Variants in ADARB2 observed in about 807,000 individuals in gnomAD.
ADARB2 encodes the protein adenosine deaminase RNA specific B2 (inactive).
A neutral mutation model predicts 62.2 loss-of-function variants in ADARB2; 25 were observed. The observed-to-expected ratio is 0.40, with a 90% CI of 0.29 to 0.56. ADARB2 has a LOEUF of 0.56. Ranked by LOEUF, ADARB2 falls within the 20% of genes least tolerant of loss-of-function variation. The pLI is 0.43. For synonymous variants in ADARB2, 572 were observed against 500.8 expected, an observed-to-expected ratio of 1.14 and a Z score of -1.90; for missense variants, 1,071 against 1,077.4, an observed-to-expected ratio of 0.99 and a Z score of 0.08.
intron 1 of ADARB2, among the ~76,000 whole-genome samples, chr10:1,435,088 G>T (rs1445072492): frequency 1.3e-5 from 2 of 152,262 alleles, no homozygotes; most frequent in African/African-American, 4.8e-5. Context: ...TCCCCTGGGA[G>T]GCCGTGGAGC....
At chr10:1,213,153 A>G (rs1226920300) in intron 7 of ADARB2, among the ~76,000 whole-genome samples, 1 of 152,104 alleles carries the variant, frequency 6.6e-6, no homozygotes, top group Non-Finnish European at 1.5e-5. Context: ...AGACAGAGAC[A>G]CAGAAAGACA....
chr10:1,326,818 C>T (rs1264089365), intron 3 of ADARB2, among the ~76,000 whole-genome samples: 15 of 111,762 alleles, frequency 1.3e-4, no homozygotes, highest in East Asian at 1.1e-3. Context: ...CAGCGCCTCC[C>T]CACGGCCCAG....
intron 1 of ADARB2, among the ~76,000 whole-genome samples, chr10:1,690,902 C>T (rs947054037): frequency 2.6e-5 from 4 of 152,186 alleles, no homozygotes; most frequent in African/African-American, 7.2e-5. Context: ...TCAAAACGCG[C>T]ATCTATCCCT....
chr10:1,363,191 C>T lies in ADARB2; in HGVS notation c.914G>A (p.Ser305Asn). The T allele has an allele frequency of 3.3e-6, 5 of 1,511,886 alleles. No homozygotes were observed. Among genetic ancestry groups the T allele is most frequent in the Non-Finnish European group, 3.5e-6 (4 of 1,136,458 alleles). The allele number at this position is 1,511,886 out of a possible 1,614,324, so 93.7% of individuals were successfully genotyped here. The change falls in exon 3 of 10, where the codon AGC (serine) becomes AAC (asparagine). Residue 305 changes from serine (S) to asparagine (N), a missense_variant. Ser to Asn is a conservative substitution (Grantham distance 46). Coordinates refer to ENST00000381312, the MANE Select transcript of ADARB2 (RefSeq NM_018702.4). ...GTCCACGCTCACGGCCATCACGAAGCTCCGCGCGCGCCGCTCGGCCGGTTC... is the reference window on the plus strand; with the variant it reads ...GTCCACGCTCACGGCCATCACGAAGTTCCGCGCGCGCCGCTCGGCCGGTTC... ...LAEPAERRARSFVMAVSVDGR... is the reference protein window; with the variant it reads ...LAEPAERRARNFVMAVSVDGR...
chr10:1,253,892 C>T (rs764845275), intron 4 of ADARB2, among the ~76,000 whole-genome samples: 5 of 151,486 alleles, frequency 3.3e-5, no homozygotes, highest in African/African-American at 7.3e-5. Context: ...GGTTAGGATG[C>T]GGTGGGCTCT....
At position 1,249,373 on chromosome 10, in the gene ADARB2, C is replaced by T. The variant is rs368275192; in HGVS notation, c.1193-7074G>A. ...GGGAGGATCACTTGAGCCCTGGAGGCGGAGGTTGGAGTGAGCTGAGATTGC... is the reference window on the plus strand; with the variant it reads ...GGGAGGATCACTTGAGCCCTGGAGGTGGAGGTTGGAGTGAGCTGAGATTGC... On this transcript the variant is annotated intron_variant, in intron 4 of 9. Coordinates refer to ENST00000381312, the MANE Select transcript of ADARB2 (RefSeq NM_018702.4). Among the ~76,000 whole-genome samples the T allele has an allele frequency of 3.8e-3, 548 of 146,014 alleles. 1 individual carries two copies. The highest frequency in any genetic ancestry group is 0.012 in the African/African-American group (465 of 39,194).
In ADARB2 at chr10:1,180,534, A is replaced by T. The variant is rs1469236002; in HGVS notation, c.*2659T>A. The T allele has an allele frequency of 6.6e-6, 1 of 152,472 alleles. No homozygotes were observed. Among genetic ancestry groups the T allele is most frequent in the East Asian group, 1.9e-4 (1 of 5,180 alleles). 9.4% of individuals were successfully genotyped at this position (152,472 alleles called of 1,614,324 possible). A position where few individuals can be genotyped will look rare whatever the true frequency, so the allele number is the denominator to read the frequency against. On this transcript the variant is annotated 3_prime_UTR_variant, in exon 10 of 10. Transcript: ENST00000381312. ...CTTCCTGGCTGGGTCAGGCCCTGCC[A>T]GTTGGGAGCAGCCTGCGTGTGGCGT...
intron 4 of ADARB2, among the ~76,000 whole-genome samples, chr10:1,258,083 T>G (rs530993199): frequency 6.6e-6 from 1 of 152,306 alleles, no homozygotes; most frequent in South Asian, 2.1e-4. Context: ...TCCTGAAGCT[T>G]CTTTCTTCCT....
intron 1 of ADARB2, among the ~76,000 whole-genome samples, chr10:1,470,263 C>T (rs6560736): frequency 0.44 from 66,895 of 152,068 alleles, 14,925 homozygotes; most frequent in Admixed American, 0.55. Flanking sequence ...CAAGTGCCTT[C>T]GAGGTCATGA....
At chr10:1,333,053 T>C (rs920445985) in intron 3 of ADARB2, among the ~76,000 whole-genome samples, 3 of 152,230 alleles carry the variant, frequency 2.0e-5, no homozygotes, top group Non-Finnish European at 4.4e-5. Context: ...TTGACTCCAA[T>C]TGCAAGTGGC....
intron 1 of ADARB2, among the ~76,000 whole-genome samples, chr10:1,558,338 A>T: frequency 9.8e-6 from 1 of 102,286 alleles, no homozygotes; most frequent in Non-Finnish European, 1.9e-5. Flanking sequence ...TCCGCATCCC[A>T]CCTCTGTCCC....
intron 3 of ADARB2, among the ~76,000 whole-genome samples, chr10:1,335,207 G>A (rs1369642421): frequency 6.8e-6 from 1 of 146,952 alleles, no homozygotes; most frequent in Admixed American, 6.8e-5. Flanking sequence ...GAGATGAATG[G>A]ATGGATGGAG....
intron 1 of ADARB2, among the ~76,000 whole-genome samples, chr10:1,410,926 C>T (rs968727469): frequency 2.6e-5 from 4 of 152,160 alleles, no homozygotes; most frequent in South Asian, 2.1e-4. Flanking sequence ...CTCCCTCTCC[C>T]GAGCTGCGCC....
intron 1 of ADARB2, among the ~76,000 whole-genome samples, chr10:1,651,581 C>A (rs754197605): frequency 1.3e-4 from 20 of 152,292 alleles, no homozygotes; most frequent in Non-Finnish European, 2.2e-4. Context: ...GCACACTAGT[C>A]CCTTGCCAGC....
chr10:1,202,297 G>T (rs540057068), intron 7 of ADARB2, among the ~76,000 whole-genome samples: 1 of 152,026 alleles, frequency 6.6e-6, no homozygotes, highest in East Asian at 1.9e-4. Context: ...ACCCAGGCTG[G>T]AGTATGGTGG....
intron 1 of ADARB2, among the ~76,000 whole-genome samples, chr10:1,439,367 A>G (rs1391420020): frequency 3.9e-4 from 55 of 140,068 alleles, no homozygotes; most frequent in Admixed American, 9.1e-4. Flanking sequence ...TCTCCTCAGC[A>G]GGTGGAGGCA....
intron 4 of ADARB2, among the ~76,000 whole-genome samples, chr10:1,256,307 C>T (rs1831078882): frequency 6.6e-6 from 1 of 152,160 alleles, no homozygotes. Flanking sequence ...AAATCCTGAC[C>T]AAAAGAAGTC....
intron 1 of ADARB2, among the ~76,000 whole-genome samples, chr10:1,556,261 C>CTTTTT (rs5782583): frequency 6.8e-6 from 1 of 147,392 alleles, no homozygotes; most frequent in East Asian, 2.0e-4. Flanking sequence ...AACAAAAAGT[C>CTTTTT]TTTTTTTTTT....
At chr10:1,220,071 G>GATGGTGATGATGGTGGTA (rs1830673490) in intron 6 of ADARB2, among the ~76,000 whole-genome samples, 1 of 143,722 alleles carries the variant, frequency 7.0e-6, no homozygotes, top group African/African-American at 2.6e-5. Context: ...TGATGATGGT[G>GATGGTGATGATGGTGGTA]ATGGTGATGA....
Sources: allele counts gnomAD v4.1 joint callset (sites outside exome capture counted in the v4.1 genomes callset), GRCh38; gene constraint gnomAD v4.1.1; transcripts MANE v1.5; gene names NCBI Gene and HGNC (gene_info 2026-07-23, HGNC 2026-07-21).